The following ZNF804B variants were observed in gnomAD, a reference collection of about 807,000 sequenced individuals.
ZNF804B encodes zinc finger 804B.
ZNF804B carries 80 observed loss-of-function variants against 101.4 expected under a neutral mutation model. The observed-to-expected ratio is 0.79, with a 90% CI of 0.66 to 0.95. The LOEUF (loss-of-function observed/expected upper bound fraction) is 0.95, where lower values mean the gene tolerates loss of function less well. Among genes scored for constraint, ZNF804B ranks in the 40% least tolerant of loss-of-function variants. The probability of loss-of-function intolerance (pLI) is 0.00; values close to 1 mark genes in which losing one functional copy is unlikely to be tolerated. For missense variants in ZNF804B, 1,673 were observed against 1,561.9 expected, an observed-to-expected ratio of 1.07 and a Z score of -1.20; for synonymous variants, 622 against 558.8, an observed-to-expected ratio of 1.11 and a Z score of -1.59.
intron 1 of ZNF804B, among the ~76,000 whole-genome samples, chr7:88,821,488 T>C (rs530331050): frequency 1.9e-4 from 29 of 152,288 alleles, no homozygotes; most frequent in African/African-American, 7.0e-4. Context: ...ATTTCTTGTA[T>C]ATGCAGTACC....
chr7:89,164,023 T>C (rs566550567), intron 1 of ZNF804B, among the ~76,000 whole-genome samples: 16 of 152,148 alleles, frequency 1.1e-4, no homozygotes, highest in African/African-American at 3.9e-4. Flanking sequence ...GGATTTTTTT[T>C]TCTACACCTA....
At chr7:89,181,910 G>C (rs1788303627) in intron 1 of ZNF804B, among the ~76,000 whole-genome samples, 2 of 152,060 alleles carry the variant, frequency 1.3e-5, no homozygotes, top group Admixed American at 1.3e-4. Context: ...TAAAAAATTT[G>C]TGTGCTAAGA....
intron 1 of ZNF804B, among the ~76,000 whole-genome samples, chr7:88,804,869 C>T (rs1002339799): frequency 2.0e-5 from 3 of 152,180 alleles, no homozygotes; most frequent in East Asian, 1.9e-4. Context: ...TAACATACTC[C>T]GTTTGCAATT....
chr7:88,867,351 G>A (rs1791742087), intron 1 of ZNF804B, among the ~76,000 whole-genome samples: 1 of 152,240 alleles, frequency 6.6e-6, no homozygotes, highest in South Asian at 2.1e-4. Flanking sequence ...AGCCTGTGGT[G>A]TAACTCCATT....
At chr7:89,178,578 A>C (rs1788240515) in intron 1 of ZNF804B, among the ~76,000 whole-genome samples, 1 of 151,802 alleles carries the variant, frequency 6.6e-6, no homozygotes, top group South Asian at 2.1e-4. Context: ...TCATCTTTCC[A>C]CTTTTTGACT....
intron 2 of ZNF804B, among the ~76,000 whole-genome samples, chr7:89,290,386 A>G (rs1255690640): frequency 6.6e-6 from 1 of 152,104 alleles, no homozygotes; most frequent in African/African-American, 2.4e-5. Flanking sequence ...CCCAGCCACA[A>G]TGGAGTATAG....
At chr7:88,878,770 G>A (rs1791989113) in intron 1 of ZNF804B, among the ~76,000 whole-genome samples, 1 of 152,052 alleles carries the variant, frequency 6.6e-6, no homozygotes. Flanking sequence ...ATCTTAATGA[G>A]ATAAATAAAT....
chr7:88,998,478 C>A (rs988103245), intron 1 of ZNF804B, among the ~76,000 whole-genome samples: 6 of 151,918 alleles, frequency 3.9e-5, no homozygotes, highest in African/African-American at 1.5e-4. Context: ...GAGAAATCAT[C>A]CTTAAGTGAT....
At chr7:89,224,573 A>C (rs1789052552) in intron 2 of ZNF804B, among the ~76,000 whole-genome samples, 1 of 152,008 alleles carries the variant, frequency 6.6e-6, no homozygotes, top group Non-Finnish European at 1.5e-5. Context: ...ACAAAATGTC[A>C]AAGTGTAGAT....
At chr7:88,967,177 AT>A (rs1430593385) in intron 1 of ZNF804B, among the ~76,000 whole-genome samples, 1 of 151,580 alleles carries the variant, frequency 6.6e-6, no homozygotes, top group Non-Finnish European at 1.5e-5. Context: ...AGACTGGGTA[AT>A]TTATGGAGAA....
At chr7:89,275,791 A>G (rs1225721660) in intron 2 of ZNF804B, among the ~76,000 whole-genome samples, 1 of 151,930 alleles carries the variant, frequency 6.6e-6, no homozygotes, top group Non-Finnish European at 1.5e-5. Flanking sequence ...AAAGTGAGCT[A>G]TAGGAGGATA....
At chr7:88,867,590 C>CT (rs1791749819) in intron 1 of ZNF804B, among the ~76,000 whole-genome samples, 1 of 152,208 alleles carries the variant, frequency 6.6e-6, no homozygotes. Flanking sequence ...GGGAAATACT[C>CT]TCAAAGACAC....
chr7:89,127,563 A>G lies in ZNF804B; in HGVS notation c.109-90592A>G, dbSNP rs180754058. On this transcript the variant is annotated intron_variant, in intron 1 of 3. Coordinates refer to ENST00000333190, the MANE Select transcript of ZNF804B (RefSeq NM_181646.5). ...TTTTGATTTTTATATAAAATCCTAGATGTTTCTACCACAGCTGGATCTCTA... is the reference window on the plus strand; with the variant it reads ...TTTTGATTTTTATATAAAATCCTAGGTGTTTCTACCACAGCTGGATCTCTA... Among the ~76,000 whole-genome samples the G allele has an allele frequency of 7.3e-3, 1,115 of 151,864 alleles. 2 individuals carry two copies. Among genetic ancestry groups the G allele is most frequent in the Non-Finnish European group, 0.012 (783 of 67,808 alleles).
intron 1 of ZNF804B, among the ~76,000 whole-genome samples, chr7:89,009,603 G>A (rs1177533207): frequency 6.6e-6 from 1 of 152,194 alleles, no homozygotes; most frequent in Non-Finnish European, 1.5e-5. Context: ...GAAAAGTGAT[G>A]AGGGCATGAA....
intron 1 of ZNF804B, among the ~76,000 whole-genome samples, chr7:88,844,010 TG>T (rs1791330082): frequency 6.6e-6 from 1 of 152,068 alleles, no homozygotes; most frequent in African/African-American, 2.4e-5. Context: ...TTAAAACACA[TG>T]GAAAACATAT....
chr7:89,077,305 G>A (rs542060719), intron 1 of ZNF804B, among the ~76,000 whole-genome samples: 3 of 152,084 alleles, frequency 2.0e-5, no homozygotes, highest in Non-Finnish European at 4.4e-5. Context: ...TGAATAATGG[G>A]TCATGGTATG....
At chr7:89,287,970 T>C (rs1252349859) in intron 2 of ZNF804B, among the ~76,000 whole-genome samples, 1 of 150,304 alleles carries the variant, frequency 6.7e-6, no homozygotes, top group Admixed American at 6.6e-5. Context: ...TAGCAAAAGA[T>C]AAATATCCAG....
chr7:88,842,302 T>C (rs1791302090), intron 1 of ZNF804B, among the ~76,000 whole-genome samples: 1 of 152,192 alleles, frequency 6.6e-6, no homozygotes, highest in Admixed American at 6.5e-5. Flanking sequence ...TCCCACTCAC[T>C]CTGCTTCAGC....
At chr7:89,306,541 G>A (rs903069209) in intron 2 of ZNF804B, among the ~76,000 whole-genome samples, 2 of 151,922 alleles carry the variant, frequency 1.3e-5, no homozygotes, top group African/African-American at 4.8e-5. Context: ...GAAATTATGT[G>A]AGTCTGGCCT....
Sources: allele counts gnomAD v4.1 joint callset (sites outside exome capture counted in the v4.1 genomes callset), GRCh38; gene constraint gnomAD v4.1.1; transcripts MANE v1.5; gene names NCBI Gene and HGNC (gene_info 2026-07-23, HGNC 2026-07-21).